Variants in FLI1 observed in about 807,000 individuals in gnomAD.
The protein encoded by FLI1 is Fli-1 proto-oncogene, ETS transcription factor, also known as Friend leukemia integration 1 transcription factor.
A neutral mutation model predicts 53.1 loss-of-function variants in FLI1; 13 were observed. The observed-to-expected ratio is 0.24, with a 90% CI of 0.16 to 0.39. The LOEUF (loss-of-function observed/expected upper bound fraction) is 0.39, where lower values mean the gene tolerates loss of function less well. FLI1 is among the 10% of genes least tolerant of loss of function. The pLI is 1.00. For missense variants in FLI1, 424 were observed against 600.5 expected (o/e 0.71, Z 3.07); for synonymous variants, 244 against 236.7 (o/e 1.03, Z -0.28).
intron 5 of FLI1, among the ~76,000 whole-genome samples, chr11:128,786,417 A>T (rs762827): frequency 0.62 from 93,678 of 152,150 alleles, 30,561 homozygotes; most frequent in African/African-American, 0.83. Context: ...TTACTGATTT[A>T]GACAACTGTA....
intron 2 of FLI1, among the ~76,000 whole-genome samples, chr11:128,761,052 A>G (rs904725892): frequency 3.9e-5 from 6 of 152,148 alleles, no homozygotes; most frequent in Admixed American, 2.0e-4. Context: ...ATGGCTTATG[A>G]CAAAATGCAA....
rs769718312 is a variant in FLI1 at position 128,811,074 on chromosome 11, TGAAGG to T, written c.*91_*95del. 1.6e-5 allele frequency: 20 copies of T among 1,267,116 alleles called. No homozygotes were observed. The highest frequency in any genetic ancestry group is 2.3e-5 in the Non-Finnish European group (20 of 884,804). The allele number at this position is 1,267,116 out of a possible 1,614,324, so 78.5% of individuals were successfully genotyped here. A position where few individuals can be genotyped will look rare whatever the true frequency, so the allele number is the denominator to read the frequency against. On this transcript the variant is annotated 3_prime_UTR_variant, in exon 9 of 9. Coordinates refer to ENST00000527786, the MANE Select transcript of FLI1 (RefSeq NM_002017.5). ...GGACTCAACAGGACATATGTGGCCTTGAAGGGAAGACAAAACTGGATGTTCTTTCT... is the reference window on the plus strand; with the variant it reads ...GGACTCAACAGGACATATGTGGCCTTGAAGACAAAACTGGATGTTCTTTCT...
chr11:128,727,785 G>A (rs1939540501), intron 1 of FLI1, among the ~76,000 whole-genome samples: 1 of 152,166 alleles, frequency 6.6e-6, no homozygotes, highest in Non-Finnish European at 1.5e-5. Context: ...AACCTCATGA[G>A]CCAGTTCCAG....
chr11:128,801,991 G>A (rs751271882), intron 5 of FLI1, among the ~76,000 whole-genome samples: 22 of 152,192 alleles, frequency 1.4e-4, no homozygotes, highest in Non-Finnish European at 3.2e-4. Context: ...GGGGAGGAGG[G>A]AATTAATGTG....
intron 5 of FLI1, among the ~76,000 whole-genome samples, chr11:128,794,997 G>A (rs1306044757): frequency 6.6e-6 from 1 of 152,190 alleles, no homozygotes; most frequent in African/African-American, 2.4e-5. Flanking sequence ...AATTGCTTGA[G>A]CCTGGGAGGT....
intron 2 of FLI1, 31 bp from the exon 3 acceptor site, chr11:128,768,087 C>T (rs779399476): frequency 7.7e-5 from 122 of 1,574,668 alleles, no homozygotes; most frequent in Middle Eastern, 1.7e-4. Flanking sequence ...CAGTGCTGAC[C>T]GCCTCTGGGC....
At chr11:128,772,570 G>C (rs1021131439) in intron 3 of FLI1, among the ~76,000 whole-genome samples, 56 of 152,220 alleles carry the variant, frequency 3.7e-4, no homozygotes, top group African/African-American at 1.4e-3. Flanking sequence ...TAGTGAGGCA[G>C]CTAAGCACCT....
intron 1 of FLI1, among the ~76,000 whole-genome samples, chr11:128,737,725 T>C (rs561830900): frequency 2.6e-5 from 4 of 152,340 alleles, no homozygotes; most frequent in Non-Finnish European, 4.4e-5. Flanking sequence ...ATGTGAATGA[T>C]GTCACTTTTA....
At chr11:128,700,717 T>C (rs1938291503) in intron 1 of FLI1, among the ~76,000 whole-genome samples, 1 of 151,988 alleles carries the variant, frequency 6.6e-6, no homozygotes, top group South Asian at 2.1e-4. Flanking sequence ...CTACAAAAAC[T>C]ACAAAAATTA....
chr11:128,778,963 C>T (rs984517240), intron 4 of FLI1, among the ~76,000 whole-genome samples: 19 of 107,096 alleles, frequency 1.8e-4, no homozygotes, highest in Non-Finnish European at 2.6e-4. Context: ...GGCCAGATGC[C>T]CCCAACCAGC....
chr11:128,748,134 A>G (rs1024322030), intron 1 of FLI1: 14 of 316,984 alleles, frequency 4.4e-5, no homozygotes, highest in African/African-American at 6.7e-5. Context: ...GGGAGGATGC[A>G]GAGATCCTCT....
chr11:128,715,329 C>A (rs997240420), intron 1 of FLI1, among the ~76,000 whole-genome samples: 1 of 152,202 alleles, frequency 6.6e-6, no homozygotes, highest in Non-Finnish European at 1.5e-5. Flanking sequence ...TTCCCACATG[C>A]CTCCACCCCT....
intron 1 of FLI1, among the ~76,000 whole-genome samples, chr11:128,739,333 G>T (rs963538697): frequency 8.5e-5 from 13 of 152,158 alleles, no homozygotes; most frequent in Non-Finnish European, 1.5e-5. Context: ...AAGAAAACAA[G>T]TATTTTAAAA....
At chr11:128,748,174 A>C in intron 1 of FLI1, 1 of 655,980 alleles carries the variant, frequency 1.5e-6, no homozygotes, top group Non-Finnish European at 1.9e-6. Flanking sequence ...TATACCCTTC[A>C]TTTGTAAAAC....
Position 128,812,247 on chromosome 11 carries a change from G to A in FLI1, c.*1259G>A. 1 of 219,786 alleles carries A rather than the reference G, an allele frequency of 4.5e-6. No individual in the cohort carries two copies. Among genetic ancestry groups the A allele is most frequent in the Non-Finnish European group, 9.1e-6 (1 of 109,464 alleles). The allele number at this position is 219,786 out of a possible 1,614,324, so 13.6% of individuals were successfully genotyped here. A position where few individuals can be genotyped will look rare whatever the true frequency, so the allele number is the denominator to read the frequency against. On this transcript the variant is annotated 3_prime_UTR_variant, in exon 9 of 9. Coordinates refer to ENST00000527786, the MANE Select transcript of FLI1 (RefSeq NM_002017.5). ...AAACAACGAAACTTTCCCTTGTGGA[G>A]AGGAGGGATTTTCCTGCTCTATATA... is the stretch of plus-strand genomic sequence containing the variant.
intron 1 of FLI1, among the ~76,000 whole-genome samples, chr11:128,729,101 CT>C (rs1470937599): frequency 3.3e-5 from 5 of 152,200 alleles, no homozygotes; most frequent in African/African-American, 1.2e-4. Flanking sequence ...AGGGATTCTT[CT>C]GCTAGGCACC....
intron 1 of FLI1, among the ~76,000 whole-genome samples, chr11:128,701,479 C>T (rs1938331696): frequency 6.6e-6 from 1 of 152,146 alleles, no homozygotes; most frequent in African/African-American, 2.4e-5. Flanking sequence ...GACTCATCAC[C>T]GTCATTCCAA....
At chr11:128,802,351 G>GCTGT (rs1942657465) in intron 5 of FLI1, among the ~76,000 whole-genome samples, 1 of 152,164 alleles carries the variant, frequency 6.6e-6, no homozygotes, top group African/African-American at 2.4e-5. Flanking sequence ...ATGTGCTCAG[G>GCTGT]CTGTCCTTTG....
At chr11:128,720,240 T>C (rs1461695542) in intron 1 of FLI1, among the ~76,000 whole-genome samples, 2 of 152,176 alleles carry the variant, frequency 1.3e-5, no homozygotes, top group Non-Finnish European at 2.9e-5. Context: ...TATTACACTA[T>C]ATCACTACTT....
Sources: gnomAD v4.1 joint callset for allele counts (sites outside exome capture counted in the v4.1 genomes callset) on GRCh38, gnomAD v4.1.1 for gene constraint, MANE v1.5 for transcripts, NCBI Gene and HGNC (gene_info 2026-07-23, HGNC 2026-07-21) for gene names.